Variants in CHP2 observed in about 807,000 individuals in gnomAD.
CHP2 encodes calcineurin like EF-hand protein 2.
In CHP2, 31 loss-of-function variants were observed where a neutral mutation model predicts 24.7. The observed-to-expected ratio is 1.26, with a 90% CI of 0.94 to 1.69. CHP2 has a LOEUF of 1.69. Ranked by LOEUF, CHP2 falls within the 40% of genes most tolerant of loss-of-function variation. The probability of loss-of-function intolerance (pLI) is 0.00; values close to 1 mark genes in which losing one functional copy is unlikely to be tolerated. For missense variants in CHP2, 319 were observed against 261.5 expected (o/e 1.22, Z -1.52); for synonymous variants, 97 against 99.1 (o/e 0.98, Z 0.13).
Position 23,755,865 on chromosome 16 carries a change from G to A in CHP2, c.159G>A (p.Gln53=). The change falls in exon 3 of 7, where the codon CAG becomes CAA. Residue 53 remains glutamine, a synonymous_variant. Transcript: ENST00000300113. ...KGYLSRMDLQ[Q]IGALAVNPLG... is the part of the protein sequence containing the mutation. ...TTTGCAGCCGCATGGATCTCCAGCA[G>A]ATAGGGGCGCTCGCCGTGAACCCCC... The A allele has an allele frequency of 1.2e-6, 2 of 1,614,234 alleles. No homozygotes were observed. Among genetic ancestry groups the A allele is most frequent in the Non-Finnish European group, 1.7e-6 (2 of 1,180,046 alleles).
At position 23,755,146 on chromosome 16, in the gene CHP2, G is replaced by A. The variant is rs534059595; in HGVS notation, c.67+30G>A. The A allele has an allele frequency of 1.6e-4, 252 of 1,565,156 alleles. 1 individual carries two copies. Among genetic ancestry groups the A allele is most frequent in the Non-Finnish European group, 2.1e-4 (242 of 1,146,952 alleles). On this transcript the variant is annotated intron_variant, in intron 1 of 6. Coordinates refer to ENST00000300113, the MANE Select transcript of CHP2 (RefSeq NM_022097.4). Reference sequence around the variant, plus strand: ...GTGCGCCCGCGTCGGCGGCTGCGGAGGGGACGGGGCGAACCCAGGCGTCTG... The same window carrying A: ...GTGCGCCCGCGTCGGCGGCTGCGGAAGGGACGGGGCGAACCCAGGCGTCTG...
rs544090998 is a variant in CHP2 at position 23,757,405 on chromosome 16, G to T, written c.537+82G>T. Reference sequence around the variant, plus strand: ...CTTGGGAAACGTTCAACGGAGGAGGGCGGAAAGATAGGGGTTGCCTGGGAA... The same window carrying T: ...CTTGGGAAACGTTCAACGGAGGAGGTCGGAAAGATAGGGGTTGCCTGGGAA... On this transcript the variant is annotated intron_variant, in intron 6 of 6. Transcript: ENST00000300113. The T allele has an allele frequency of 1.5e-4, 242 of 1,591,670 alleles. 4 individuals carry two copies. In the South Asian group the frequency reaches 2.5e-3, roughly 17 times the overall value.
chr16:23,757,275 G>A lies in CHP2; in HGVS notation c.489G>A (p.Glu163=), dbSNP rs1363197707. 6.2e-7 allele frequency: 1 copy of A among 1,614,010 alleles called. No individual in the cohort carries two copies. Among genetic ancestry groups the A allele is most frequent in the Non-Finnish European group, 8.5e-7 (1 of 1,179,976 alleles). ...LENIADRTVQ[E]ADEDGDGAVS... ...ACATCGCTGACCGCACGGTGCAGGA[G>A]GCTGATGAAGATGGGGATGGGGCTG... The change falls in exon 6 of 7, where the codon GAG becomes GAA. Residue 163 remains glutamate (E), a synonymous_variant. Transcript: ENST00000300113.
chr16:23,756,591 GT>G (rs1961229449), intron 5 of CHP2, 142 bp downstream of exon 5: 4 of 728,940 alleles, frequency 5.5e-6, no homozygotes, highest in Non-Finnish European at 9.6e-6. Context: ...AATGGGTGCA[GT>G]TAGAGTGTGG....
intron 6 of CHP2, 35 bp from the exon 7 acceptor site, chr16:23,757,495 T>G (rs1005848844): frequency 6.2e-7 from 1 of 1,609,334 alleles, no homozygotes; most frequent in African/African-American, 1.3e-5. Flanking sequence ...GAGCTGAGAG[T>G]CAAGCCTCTT....
rs201965560 is a variant in CHP2 at position 23,757,339 on chromosome 16, G to A, written c.537+16G>A. 1.2e-6 allele frequency: 2 copies of A among 1,604,124 alleles called. No individual in the cohort carries two copies. Among genetic ancestry groups the A allele is most frequent in the Non-Finnish European group, 1.7e-6 (2 of 1,174,046 alleles). ...GTTCACCAAGGTCAGAGTGCCCTTG[G>A]GGATTGGGGAGTTGAGATCAGGAGT... On this transcript the variant is annotated intron_variant, in intron 6 of 6. Transcript: ENST00000300113.
chr16:23,755,044 T>C lies in CHP2; in HGVS notation c.-6T>C, dbSNP rs750617917. 1 of 1,585,552 alleles carries C rather than the reference T, an allele frequency of 6.3e-7. No individual in the cohort carries two copies. Among genetic ancestry groups the C allele is most frequent in the Non-Finnish European group, 8.5e-7 (1 of 1,170,264 alleles). Reference sequence around the variant, plus strand: ...CTGCTCCGGCCCTTCCGCCTCCAGCTCGGCCATGGGGTCGCGCAGCTCCCA... The same window carrying C: ...CTGCTCCGGCCCTTCCGCCTCCAGCCCGGCCATGGGGTCGCGCAGCTCCCA... On this transcript the variant is annotated 5_prime_UTR_variant, in exon 1 of 7. Coordinates refer to ENST00000300113, the MANE Select transcript of CHP2 (RefSeq NM_022097.4).
chr16:23,755,651 C>G lies in CHP2; in HGVS notation c.68-10C>G. 1.9e-6 allele frequency: 3 copies of G among 1,613,652 alleles called. No homozygotes were observed. Among genetic ancestry groups the G allele is most frequent in the Non-Finnish European group, 2.5e-6 (3 of 1,179,826 alleles). On this transcript the variant is annotated splice_polypyrimidine_tract_variant and intron_variant, in intron 1 of 6. Transcript: ENST00000300113. ...AGTCACACACCCCCACCCCACTCTC[C>G]TTCCCGCAGTCTCCCAAGCCAGCCT...
At position 23,757,609 on chromosome 16, in the gene CHP2, C is replaced by T. The variant is rs1284388975; in HGVS notation, c.*26C>T. On this transcript the variant is annotated 3_prime_UTR_variant, in exon 7 of 7. Transcript: ENST00000300113. ...CTCCGTTTGTGCCTTGGGCTTGCTCCTGCAACCAGTATCTCCTTGGAATTC... is the reference window on the plus strand; with the variant it reads ...CTCCGTTTGTGCCTTGGGCTTGCTCTTGCAACCAGTATCTCCTTGGAATTC... The T allele has an allele frequency of 4.4e-6, 7 of 1,605,800 alleles. No individual in the cohort carries two copies. In the African/African-American group the frequency reaches 9.4e-5, roughly 22 times the overall value.
chr16:23,757,201 G>T lies in CHP2; in HGVS notation c.415G>T (p.Val139Phe). 6.2e-7 allele frequency: 1 copy of T among 1,614,032 alleles called. No individual in the cohort carries two copies. ...GGCTGCCTCTTCACTCATCTCTCAG[G>T]TTCTCCGTCTGATGGTTGGGGTACA... ...GKISRHEMLQ[V>F]LRLMVGVQVT... Residue 139 changes from valine (V) to phenylalanine (F), a missense_variant and splice_region_variant, in exon 6 of 7, where the codon GTT (valine) becomes TTT (phenylalanine). Coordinates refer to ENST00000300113, the MANE Select transcript of CHP2 (RefSeq NM_022097.4).
In CHP2 at chr16:23,758,114, A is replaced by T. The variant is rs1961251691; in HGVS notation, c.*531A>T. On this transcript the variant is annotated 3_prime_UTR_variant, in exon 7 of 7. Coordinates refer to ENST00000300113, the MANE Select transcript of CHP2 (RefSeq NM_022097.4). ...GCTGATCTGACAGGAGGCAGAGCTC[A>T]GGCGGTAATGCAAGCAATGGGGAGT... The T allele has an allele frequency of 1.7e-5, 3 of 174,654 alleles. No individual in the cohort carries two copies. The South Asian group carries it at 4.0e-4, about 23-fold the overall frequency. The allele number at this position is 174,654 out of a possible 1,614,324, so 10.8% of individuals were successfully genotyped here.
At chr16:23,756,507 A>G in intron 5 of CHP2, 58 bp downstream of exon 5, 2 of 1,446,556 alleles carry the variant, frequency 1.4e-6, no homozygotes, top group Non-Finnish European at 1.9e-6. Flanking sequence ...GGTTAAATGC[A>G]ATGGTGTGAG....
At chr16:23,755,138 G>T (rs936807520) in intron 1 of CHP2, 22 bp downstream of exon 1, 2 of 1,581,442 alleles carry the variant, frequency 1.3e-6, no homozygotes, top group Non-Finnish European at 1.7e-6. Flanking sequence ...CGCGTCGGCG[G>T]CTGCGGAGGG....
At position 23,756,003 on chromosome 16, in the gene CHP2, G is replaced by C. The variant is rs893756216; in HGVS notation, c.222-60G>C. Reference sequence around the variant, plus strand: ...GTGGGTGGGAGGGGAGGTTAGAGACGGAGGCAAAGTGATGGCCAAGGTGAC... The same window carrying C: ...GTGGGTGGGAGGGGAGGTTAGAGACCGAGGCAAAGTGATGGCCAAGGTGAC... On this transcript the variant is annotated intron_variant, in intron 3 of 6. Coordinates refer to ENST00000300113, the MANE Select transcript of CHP2 (RefSeq NM_022097.4). 5 of 1,613,756 alleles carry C rather than the reference G, an allele frequency of 3.1e-6. No individual in the cohort carries two copies. In the South Asian group the frequency reaches 3.3e-5, roughly 11 times the overall value.
intron 1 of CHP2, 57 bp downstream of exon 1, chr16:23,755,173 G>C (rs1212166932): frequency 7.6e-7 from 1 of 1,313,682 alleles, no homozygotes; most frequent in African/African-American, 1.5e-5. Context: ...AGGCGTCTGG[G>C]GCTAGGGAAG....
rs1257815749 is a variant in CHP2, at chr16:23,758,646, C to T, written c.*1063C>T. ...AGGGGAATGAAACACTCTGAGTGGCCAGGCCTGTGTCATGTGCTAATTCCT... is the reference window on the plus strand; with the variant it reads ...AGGGGAATGAAACACTCTGAGTGGCTAGGCCTGTGTCATGTGCTAATTCCT... On this transcript the variant is annotated 3_prime_UTR_variant, in exon 7 of 7. Coordinates refer to ENST00000300113, the MANE Select transcript of CHP2 (RefSeq NM_022097.4). 1 of 152,222 alleles carries T rather than the reference C, an allele frequency of 6.6e-6. No homozygotes were observed. Among genetic ancestry groups the T allele is most frequent in the East Asian group, 1.9e-4 (1 of 5,206 alleles). 9.4% of individuals were successfully genotyped at this position (152,222 alleles called of 1,614,324 possible). A position where few individuals can be genotyped will look rare whatever the true frequency, so the allele number is the denominator to read the frequency against.
chr16:23,756,075 G>A lies in CHP2; in HGVS notation c.234G>A (p.Val78=). ...CCCGTCTCCCCAGGAGCCAGCGAGT[G>A]GATTTCCCAGGCTTTGTCAGGGTCT... ...ESFFPDGSQR[V]DFPGFVRVLA... Residue 78 remains valine, a synonymous_variant, in exon 4 of 7, where the codon GTG becomes GTA. Coordinates refer to ENST00000300113, the MANE Select transcript of CHP2 (RefSeq NM_022097.4). The A allele has an allele frequency of 6.2e-7, 1 of 1,614,056 alleles. No homozygotes were observed. The highest frequency in any genetic ancestry group is 8.5e-7 in the Non-Finnish European group (1 of 1,180,022).
chr16:23,756,545 G>T, intron 5 of CHP2, 96 bp downstream of exon 5: 1 of 1,075,696 alleles, frequency 9.3e-7, no homozygotes, highest in Non-Finnish European at 1.4e-6. Flanking sequence ...TGGGGAACTG[G>T]GGCGCAGATA....
intron 5 of CHP2, 61 bp from the exon 6 acceptor site, chr16:23,757,140 A>C: frequency 6.2e-7 from 1 of 1,602,866 alleles, no homozygotes; most frequent in Non-Finnish European, 8.5e-7. Context: ...AAGGTTTAGG[A>C]GATGGGGAGT....
Sources: gnomAD v4.1 joint callset for allele counts on GRCh38, gnomAD v4.1.1 for gene constraint, MANE v1.5 for transcripts, NCBI Gene and HGNC (gene_info 2026-07-23, HGNC 2026-07-21) for gene names.